The following SLC67A2 variants were observed in gnomAD, a reference collection of about 807,000 sequenced individuals.
SLC67A2 encodes solute carrier family 67 member 2, also known as solute carrier family 67 member A2.
chr2:102,719,750 A>T, the SLC67A2 span, among the ~76,000 whole-genome samples: 1 of 152,186 alleles, frequency 6.6e-6, no homozygotes, highest in Non-Finnish European at 1.5e-5. Flanking sequence ...ACCAGACTGC[A>T]ATATAAGGGC....
chr2:102,734,904 A>G, the SLC67A2 span, among the ~76,000 whole-genome samples: 1 of 152,226 alleles, frequency 6.6e-6, no homozygotes, highest in South Asian at 2.1e-4. Flanking sequence ...TTTTATTCTA[A>G]TACTAAAACT....
At chr2:102,733,672 A>T in the SLC67A2 span, among the ~76,000 whole-genome samples, 13 of 152,018 alleles carry the variant, frequency 8.6e-5, no homozygotes, top group East Asian at 1.9e-3. Context: ...CATTTAAAAG[A>T]CTCAAAATGT....
the SLC67A2 span, among the ~76,000 whole-genome samples, chr2:102,728,360 C>T: frequency 6.6e-6 from 1 of 152,156 alleles, no homozygotes; most frequent in Non-Finnish European, 1.5e-5. Context: ...TCCTCACCCT[C>T]TCCACTAACC....
chr2:102,731,028 C>CAA, the SLC67A2 span: 1 of 1,613,610 alleles, frequency 6.2e-7, no homozygotes, highest in Non-Finnish European at 8.5e-7. Context: ...AACTTACCAC[C>CAA]AATGTGCTAG....
the SLC67A2 span, among the ~76,000 whole-genome samples, chr2:102,725,308 A>G: frequency 6.6e-6 from 1 of 152,202 alleles, no homozygotes; most frequent in Non-Finnish European, 1.5e-5. Flanking sequence ...ATGGGCAAGG[A>G]GGAGTTTTTA....
the SLC67A2 span, chr2:102,732,050 G>C: frequency 1.7e-6 from 1 of 579,302 alleles, no homozygotes; most frequent in Admixed American, 2.2e-5. Flanking sequence ...CCAGCTCCTT[G>C]CAGAGGCTCC....
chr2:102,714,768 A>T, the SLC67A2 span, among the ~76,000 whole-genome samples: 1 of 152,176 alleles, frequency 6.6e-6, no homozygotes, highest in Non-Finnish European at 1.5e-5. Context: ...ATCCTGGCTA[A>T]ATCTGTGGTA....
chr2:102,735,801 C>G, the SLC67A2 span, among the ~76,000 whole-genome samples: 1 of 151,924 alleles, frequency 6.6e-6, no homozygotes, highest in Non-Finnish European at 1.5e-5. Context: ...TTCCATTCTA[C>G]GTGGGAAATT....
At chr2:102,720,293 G>A in the SLC67A2 span, among the ~76,000 whole-genome samples, 1 of 152,180 alleles carries the variant, frequency 6.6e-6, no homozygotes, top group Non-Finnish European at 1.5e-5. Context: ...AGAATGTGGA[G>A]GATGTGGACT....
At chr2:102,722,670 A>G in the SLC67A2 span, among the ~76,000 whole-genome samples, 1 of 152,152 alleles carries the variant, frequency 6.6e-6, no homozygotes, top group African/African-American at 2.4e-5. Flanking sequence ...CAAACATAAG[A>G]CCTGAAACTG....
chr2:102,715,989 T>G, the SLC67A2 span: 1 of 152,196 alleles, frequency 6.6e-6, no homozygotes, highest in Non-Finnish European at 1.5e-5. Flanking sequence ...GAGCTGGAGC[T>G]TCAGTGTTCA....
At chr2:102,726,912 A>C in the SLC67A2 span, 1 of 1,613,778 alleles carries the variant, frequency 6.2e-7, no homozygotes, top group East Asian at 2.2e-5. Context: ...GATAGCCCAG[A>C]GCACTGAGTA....
the SLC67A2 span, chr2:102,719,047 G>A: frequency 1.2e-6 from 2 of 1,614,224 alleles, no homozygotes; most frequent in South Asian, 2.2e-5. Context: ...CTTCGACCCA[G>A]GGCTGGGCAG....
the SLC67A2 span, chr2:102,736,469 G>C: frequency 6.8e-7 from 1 of 1,460,250 alleles, no homozygotes; most frequent in East Asian, 2.5e-5. Flanking sequence ...AGTGTGGCCA[G>C]ATGCAGACTG....
the SLC67A2 span, among the ~76,000 whole-genome samples, chr2:102,721,569 TC>T: frequency 6.6e-6 from 1 of 152,188 alleles, no homozygotes; most frequent in East Asian, 1.9e-4. Flanking sequence ...AAGTCATTTA[TC>T]CAAGGGCCAG....
At chr2:102,729,112 G>A in the SLC67A2 span, among the ~76,000 whole-genome samples, 1 of 152,142 alleles carries the variant, frequency 6.6e-6, no homozygotes, top group Non-Finnish European at 1.5e-5. Flanking sequence ...GCTTACAGAA[G>A]TATGGGTTAA....
At chr2:102,731,971 G>T in the SLC67A2 span, 2 of 360,698 alleles carry the variant, frequency 5.5e-6, no homozygotes. Context: ...TGTTTCCCTG[G>T]TCTCTCACAT....
the SLC67A2 span, chr2:102,718,353 T>A: frequency 2.5e-6 from 4 of 1,573,244 alleles, no homozygotes; most frequent in Non-Finnish European, 3.5e-6. Flanking sequence ...AAGTGCCCTT[T>A]TCATCATGGC....
the SLC67A2 span, chr2:102,718,566 G>A: frequency 1.2e-6 from 2 of 1,613,234 alleles, no homozygotes; most frequent in Non-Finnish European, 8.5e-7. Flanking sequence ...GAGAGGAGAG[G>A]GGCGATGATG....
Sources: gnomAD v4.1 joint callset for allele counts (sites outside exome capture counted in the v4.1 genomes callset) on GRCh38, gnomAD v4.1.1 for gene constraint, MANE v1.5 for transcripts, NCBI Gene and HGNC (gene_info 2026-07-23, HGNC 2026-07-21) for gene names.